Variants in MROH2B observed in about 807,000 individuals in gnomAD.
MROH2B encodes maestro heat like repeat family member 2B, also known as maestro heat-like repeat-containing protein family member 2B.
Under a neutral mutation model 208.6 loss-of-function variants are expected in MROH2B, and 177 were observed. That is an observed-to-expected ratio of 0.85 (90% CI 0.75 to 0.96). The LOEUF (loss-of-function observed/expected upper bound fraction) is 0.96. Among genes scored for constraint, MROH2B ranks in the 40% least tolerant of loss-of-function variants. The pLI is 0.00. For synonymous variants in MROH2B, 728 were observed against 659.0 expected (o/e 1.10, Z -1.60); for missense variants, 2,002 against 1,878.7 (o/e 1.07, Z -1.21).
rs1338445940 is a variant in MROH2B at position 41,060,720 on chromosome 5, A to G, written c.615+850T>C. On this transcript the variant is annotated intron_variant, in intron 6 of 41. Transcript: ENST00000399564. ...TGTTCACTTGCCTGGCCCTTCCTGC[A>G]GGGAGCAAGGAGAGTAGTCGTTAAA... Among the ~76,000 whole-genome samples, 4 of 152,318 alleles carry G rather than the reference A, an allele frequency of 2.6e-5. No individual in the cohort carries two copies. The South Asian group carries it at 6.2e-4, about 24-fold the overall frequency.
At chr5:41,048,126 G>A (rs926668691) in intron 16 of MROH2B, 198 bp downstream of exon 16, 12 of 568,144 alleles carry the variant, frequency 2.1e-5, no homozygotes, top group Non-Finnish European at 2.8e-5. Flanking sequence ...TTACCTACTA[G>A]GTCTTCTTGT....
At chr5:41,023,199 T>G (rs1742220620) in intron 24 of MROH2B, among the ~76,000 whole-genome samples, 1 of 152,162 alleles carries the variant, frequency 6.6e-6, no homozygotes, top group South Asian at 2.1e-4. Flanking sequence ...GGAGAATGAC[T>G]TTGATGAGTT....
chr5:41,067,466 A>G (rs569675725), intron 2 of MROH2B, among the ~76,000 whole-genome samples: 43 of 152,104 alleles, frequency 2.8e-4, no homozygotes, highest in Admixed American at 1.3e-3. Flanking sequence ...TCCTGGGTTC[A>G]ACTGATTCTC....
At position 41,015,452 on chromosome 5, in the gene MROH2B, G is replaced by A. The variant is rs1273305048; in HGVS notation, c.2911C>T (p.Gln971Ter). The change falls in exon 29 of 42, where the codon CAG becomes TAG. Residue 971 changes from glutamine to a stop codon, truncating the protein, a stop_gained. Coordinates refer to ENST00000399564, the MANE Select transcript of MROH2B (RefSeq NM_173489.5). LOFTEE classifies it high-confidence loss of function. The part of the protein sequence containing the change: ...KGIHLEVERL[Q>*]GLQEGLESDD... ...CTTTCCAGCCCTTCCTGCAAACCCTGCAGTCTTTCCACTTCCAAGTGAATG... is the reference window on the plus strand; with the variant it reads ...CTTTCCAGCCCTTCCTGCAAACCCTACAGTCTTTCCACTTCCAAGTGAATG... The A allele has an allele frequency of 1.2e-6, 2 of 1,613,438 alleles. No homozygotes were observed. Among genetic ancestry groups the A allele is most frequent in the East Asian group, 4.5e-5 (2 of 44,866 alleles).
chr5:41,018,038 C>A, intron 27 of MROH2B, 68 bp from the exon 28 acceptor site: 1 of 1,507,396 alleles, frequency 6.6e-7, no homozygotes, highest in Non-Finnish European at 8.9e-7. Flanking sequence ...GTTCCCAACA[C>A]TGGATCTCAA....
chr5:41,066,688 A>G (rs1191934269), intron 3 of MROH2B, among the ~76,000 whole-genome samples: 3 of 152,182 alleles, frequency 2.0e-5, no homozygotes, highest in Non-Finnish European at 4.4e-5. Context: ...ACATCATCCT[A>G]GGATTCAAAT....
intron 21 of MROH2B, among the ~76,000 whole-genome samples, chr5:41,038,307 G>T (rs1021939039): frequency 1.3e-4 from 20 of 152,160 alleles, no homozygotes; most frequent in African/African-American, 4.8e-4. Context: ...ACTGTTTTAA[G>T]TTCAAACAAG....
intron 21 of MROH2B, among the ~76,000 whole-genome samples, chr5:41,038,396 T>C (rs1423410): frequency 0.6 from 91,690 of 151,912 alleles, 28,159 homozygotes; most frequent in Non-Finnish European, 0.66. Flanking sequence ...CGCTCAGGGC[T>C]TTAGGAAAGA....
chr5:41,009,483 A>C, intron 31 of MROH2B, 77 bp from the exon 32 acceptor site: 1 of 1,539,852 alleles, frequency 6.5e-7, no homozygotes, highest in Non-Finnish European at 8.8e-7. Flanking sequence ...GACTCACTCT[A>C]AAATCACATT....
chr5:41,029,356 T>C (rs1461824221), intron 24 of MROH2B, among the ~76,000 whole-genome samples: 1 of 152,210 alleles, frequency 6.6e-6, no homozygotes, highest in Non-Finnish European at 1.5e-5. Context: ...GAATTCTTTT[T>C]AATTTTGGAT....
At chr5:41,064,712 G>T (rs555963848) in intron 4 of MROH2B, 142 bp from the exon 5 acceptor site, 4 of 576,712 alleles carry the variant, frequency 6.9e-6, no homozygotes, top group East Asian at 5.7e-5. Flanking sequence ...CTATAATTCC[G>T]CCATCTCTAC....
intron 29 of MROH2B, among the ~76,000 whole-genome samples, chr5:41,013,856 C>A (rs1741851322): frequency 6.6e-6 from 1 of 152,192 alleles, no homozygotes; most frequent in African/African-American, 2.4e-5. Flanking sequence ...ATTTGCTGAT[C>A]AATTACTCAT....
chr5:41,031,313 G>A (rs1742561466), intron 24 of MROH2B, among the ~76,000 whole-genome samples: 1 of 152,020 alleles, frequency 6.6e-6, no homozygotes, highest in South Asian at 2.1e-4. Flanking sequence ...GATCTCATGA[G>A]AACTCACTCA....
intron 24 of MROH2B, among the ~76,000 whole-genome samples, chr5:41,030,382 A>C (rs182720362): frequency 6.6e-6 from 1 of 152,170 alleles, no homozygotes; most frequent in Admixed American, 6.5e-5. Context: ...AACAGCTGAA[A>C]AAAAATTAAA....
intron 9 of MROH2B, 130 bp downstream of exon 9, chr5:41,056,979 G>T: frequency 2.1e-6 from 2 of 949,516 alleles, no homozygotes; most frequent in Non-Finnish European, 3.2e-6. Context: ...AAAACTGTGA[G>T]CTAAAGAAAC....
rs546369853 is a variant in MROH2B, at chr5:41,035,101, T to C, written c.2215-1237A>G. Among the ~76,000 whole-genome samples, 244 of 152,078 alleles carry C rather than the reference T, an allele frequency of 1.6e-3. 2 individuals are homozygous for C. Among genetic ancestry groups the C allele is most frequent in the African/African-American group, 5.6e-3 (232 of 41,496 alleles). On this transcript the variant is annotated intron_variant, in intron 21 of 41. Coordinates refer to ENST00000399564, the MANE Select transcript of MROH2B (RefSeq NM_173489.5). ...TCACAGAATTAGAAAAAAACTATTA[T>C]AAAATTCATATGGAACAACGAAAAA...
In MROH2B at chr5:41,042,271, T is replaced by C. The variant is rs74369297; in HGVS notation, c.1837-63A>G. 16 of 985,652 alleles carry C rather than the reference T, an allele frequency of 1.6e-5. No individual in the cohort carries two copies. In the Admixed American group the frequency reaches 3.0e-4, roughly 18 times the overall value. 61.1% of individuals were successfully genotyped at this position (985,652 alleles called of 1,614,324 possible). On this transcript the variant is annotated intron_variant, in intron 18 of 41. Coordinates refer to ENST00000399564, the MANE Select transcript of MROH2B (RefSeq NM_173489.5). ...TGGAAAGCAAGACTCTGATGAAAAG[T>C]GGAAAGAGTTAAAATAATCATCTGA...
Position 41,017,884 on chromosome 5 carries a change from A to T in MROH2B, c.2850T>A (p.Ala950=), listed in dbSNP as rs746214791. The T allele has an allele frequency of 1.3e-5, 21 of 1,594,254 alleles. No individual in the cohort carries two copies. The highest frequency in any genetic ancestry group is 1.5e-5 in the Non-Finnish European group (18 of 1,169,988). ...CDTLPTIRQA[A]ASSTIGLFYI... is the part of the protein sequence containing the mutation. ...AGAACAGACCAATAGTTGAGCTAGC[A>T]GCCGCCTGACGGATGGTGGGCAGGG... is the stretch of plus-strand genomic sequence containing the variant. The change falls in exon 28 of 42, where the codon GCT becomes GCA. Residue 950 remains alanine, a synonymous_variant. Coordinates refer to ENST00000399564, the MANE Select transcript of MROH2B (RefSeq NM_173489.5).
In MROH2B at chr5:41,000,638, GGGAGAGCAGGAGGTGCAGGTGTCTGT is replaced by G. The variant is rs1171089025; in HGVS notation, c.4350+14_4350+39del. The G allele has an allele frequency of 6.3e-7, 1 of 1,578,880 alleles. No homozygotes were observed. The highest frequency in any genetic ancestry group is 1.8e-5 in the Admixed American group (1 of 55,672). On this transcript the variant is annotated intron_variant, in intron 38 of 41. Transcript: ENST00000399564. ...GGCTTATTGGTACTTCTCAGCCATG[GGGAGAGCAGGAGGTGCAGGTGTCTGT>G]GGAGAGCACTTACAACTCCAATCTT...
Sources: allele counts gnomAD v4.1 joint callset (sites outside exome capture counted in the v4.1 genomes callset), GRCh38; gene constraint gnomAD v4.1.1; transcripts MANE v1.5; gene names NCBI Gene and HGNC (gene_info 2026-07-23, HGNC 2026-07-21).